The following CNTNAP2 variants were observed in gnomAD, a reference collection of about 807,000 sequenced individuals.
CNTNAP2 encodes contactin-associated protein-like 2.
A neutral mutation model predicts 155.2 loss-of-function variants in CNTNAP2; 98 were observed. That is an observed-to-expected ratio of 0.63 (90% CI 0.54 to 0.75). CNTNAP2 has a LOEUF of 0.75. Ranked by LOEUF, CNTNAP2 falls within the 30% of genes least tolerant of loss-of-function variation. The pLI is 0.00. For missense variants in CNTNAP2, 1,727 were observed against 1,688.1 expected (o/e 1.02, Z -0.40); for synonymous variants, 651 against 631.2 (o/e 1.03, Z -0.47).
intron 10 of CNTNAP2, among the ~76,000 whole-genome samples, chr7:147,416,066 C>T (rs1481275731): frequency 6.6e-6 from 1 of 152,176 alleles, no homozygotes; most frequent in African/African-American, 2.4e-5. Context: ...TTTTTGCAGT[C>T]TTATAAATTC....
intron 1 of CNTNAP2, among the ~76,000 whole-genome samples, chr7:146,746,328 G>A (rs1220725487): frequency 6.6e-6 from 1 of 152,084 alleles, no homozygotes; most frequent in Non-Finnish European, 1.5e-5. Flanking sequence ...CTTGCCCAGA[G>A]TGATATTAAT....
intron 2 of CNTNAP2, among the ~76,000 whole-genome samples, chr7:146,793,183 C>G (rs1450702891): frequency 2.0e-5 from 3 of 152,084 alleles, no homozygotes; most frequent in Admixed American, 2.0e-4. Flanking sequence ...ATCAGAAATA[C>G]TTCATCTATA....
intron 1 of CNTNAP2, among the ~76,000 whole-genome samples, chr7:146,404,131 A>AAAAAAAAAAAAAC (rs1554429083): frequency 4.3e-5 from 6 of 138,902 alleles, no homozygotes; most frequent in Admixed American, 1.4e-4. Flanking sequence ...TCTCAAAAAA[A>AAAAAAAAAAAAAC]AAAAAAAAAA....
chr7:147,562,389 TG>T (rs1397496548), intron 12 of CNTNAP2, 132 bp downstream of exon 12: 26 of 1,156,738 alleles, frequency 2.2e-5, no homozygotes, highest in Non-Finnish European at 3.0e-5. Flanking sequence ...TTGCTGGATT[TG>T]TTAGATAAGA....
At chr7:147,108,458 T>A in intron 5 of CNTNAP2, 108 bp downstream of exon 5, 1 of 945,724 alleles carries the variant, frequency 1.1e-6, no homozygotes, top group Non-Finnish European at 1.6e-6. Context: ...GAGCTCATGT[T>A]ATATTTCAAT....
At chr7:146,241,679 GAT>G (rs1799565091) in intron 1 of CNTNAP2, among the ~76,000 whole-genome samples, 1 of 152,080 alleles carries the variant, frequency 6.6e-6, no homozygotes, top group Non-Finnish European at 1.5e-5. Context: ...ATATGGTTCA[GAT>G]ATGATAGAGA....
intron 1 of CNTNAP2, among the ~76,000 whole-genome samples, chr7:146,391,321 G>A (rs1795541098): frequency 6.6e-6 from 1 of 151,704 alleles, no homozygotes; most frequent in African/African-American, 2.4e-5. Context: ...TTTTTGTGCT[G>A]GAGCATCGTC....
intron 2 of CNTNAP2, among the ~76,000 whole-genome samples, chr7:146,776,912 G>A (rs1802399593): frequency 1.3e-5 from 2 of 152,072 alleles, no homozygotes; most frequent in South Asian, 4.1e-4. Flanking sequence ...ACTTGGATTT[G>A]AGGAGTATCT....
chr7:147,547,634 C>CACAG (rs1799764891), intron 11 of CNTNAP2, among the ~76,000 whole-genome samples: 3 of 151,194 alleles, frequency 2.0e-5, no homozygotes, highest in Admixed American at 6.6e-5. Context: ...CTTCTAAACA[C>CACAG]ACACACACAC....
At chr7:146,957,757 A>G (rs557615202) in intron 3 of CNTNAP2, among the ~76,000 whole-genome samples, 1 of 152,298 alleles carries the variant, frequency 6.6e-6, no homozygotes, top group Non-Finnish European at 1.5e-5. Flanking sequence ...CATGTACTCC[A>G]TAAAAATACA....
chr7:148,406,739 A>T (rs868275513), intron 22 of CNTNAP2, among the ~76,000 whole-genome samples: 29 of 152,240 alleles, frequency 1.9e-4, no homozygotes, highest in Middle Eastern at 3.2e-3. Flanking sequence ...TTCCTGAAAA[A>T]TAGCTTTTGG....
At chr7:148,209,220 C>A (rs1343190935) in intron 18 of CNTNAP2, among the ~76,000 whole-genome samples, 1 of 152,060 alleles carries the variant, frequency 6.6e-6, no homozygotes, top group Admixed American at 6.5e-5. Context: ...CGACCTCCTG[C>A]ACTCAAATGA....
chr7:147,828,131 C>G (rs1375211413), intron 13 of CNTNAP2, among the ~76,000 whole-genome samples: 1 of 152,142 alleles, frequency 6.6e-6, no homozygotes, highest in Non-Finnish European at 1.5e-5. Context: ...ATACTTATTT[C>G]AGATATGAAG....
intron 1 of CNTNAP2, among the ~76,000 whole-genome samples, chr7:146,629,474 G>A (rs963437094): frequency 6.6e-6 from 1 of 152,194 alleles, no homozygotes; most frequent in Admixed American, 6.6e-5. Context: ...CAGTTGAATA[G>A]TTTCTCTAGG....
At chr7:147,022,817 G>C (rs956407348) in intron 3 of CNTNAP2, among the ~76,000 whole-genome samples, 3 of 151,978 alleles carry the variant, frequency 2.0e-5, no homozygotes, top group Non-Finnish European at 4.4e-5. Flanking sequence ...ACAAACATGG[G>C]ACTCTTCTTG....
intron 9 of CNTNAP2, among the ~76,000 whole-genome samples, chr7:147,390,920 A>G (rs1796704228): frequency 6.6e-6 from 1 of 152,070 alleles, no homozygotes; most frequent in Non-Finnish European, 1.5e-5. Context: ...CACACGAAGT[A>G]CACCCAACCT....
chr7:146,802,177 A>G (rs964009286), intron 2 of CNTNAP2, among the ~76,000 whole-genome samples: 1 of 152,176 alleles, frequency 6.6e-6, no homozygotes, highest in Non-Finnish European at 1.5e-5. Flanking sequence ...TGATATGGGT[A>G]TCATGAGGTG....
At chr7:148,089,175 A>G (rs182015790) in intron 15 of CNTNAP2, among the ~76,000 whole-genome samples, 1 of 152,170 alleles carries the variant, frequency 6.6e-6, no homozygotes, top group East Asian at 1.9e-4. Flanking sequence ...AAGAGCACAT[A>G]CAACAAGCCC....
chr7:146,766,286 G>A lies in CNTNAP2; in HGVS notation c.98-7985G>A, dbSNP rs189409199. ...GCTGATTATATATGGGTTTCTCTGAGAACATCTATTTAAAACTGCAGAAAC... is the reference window on the plus strand; with the variant it reads ...GCTGATTATATATGGGTTTCTCTGAAAACATCTATTTAAAACTGCAGAAAC... On this transcript the variant is annotated intron_variant, in intron 1 of 23. Transcript: ENST00000361727. 4.6e-4 allele frequency among the ~76,000 whole-genome samples: 70 copies of A among 152,240 alleles called. 1 individual carries two copies. Among genetic ancestry groups the A allele is most frequent in the Admixed American group, 1.4e-3 (21 of 15,286 alleles).
Sources: allele counts gnomAD v4.1 joint callset (sites outside exome capture counted in the v4.1 genomes callset), GRCh38; gene constraint gnomAD v4.1.1; transcripts MANE v1.5; gene names NCBI Gene and HGNC (gene_info 2026-07-23, HGNC 2026-07-21).